The following MARCHF1 variants were observed in gnomAD, a reference collection of about 807,000 sequenced individuals.
MARCHF1 encodes the protein membrane associated ring-CH-type finger 1.
In MARCHF1, 40 loss-of-function variants were observed where a neutral mutation model predicts 54.2. The ratio of observed to expected loss-of-function variants is 0.74; its 90% confidence interval spans 0.57 to 0.96. The LOEUF (loss-of-function observed/expected upper bound fraction) is 0.96, where lower values mean the gene tolerates loss of function less well. MARCHF1 is among the 40% of genes least tolerant of loss of function. The pLI, the probability that MARCHF1 is intolerant of heterozygous loss-of-function variation, is 0.00. For synonymous variants in MARCHF1, 236 were observed against 236.3 expected, an observed-to-expected ratio of 1.00 and a Z score of 0.01; for missense variants, 586 against 656.5, an observed-to-expected ratio of 0.89 and a Z score of 1.17.
chr4:164,257,826 G>C (rs192635833), intron 1 of MARCHF1, among the ~76,000 whole-genome samples: 6 of 152,172 alleles, frequency 3.9e-5, no homozygotes, highest in African/African-American at 1.4e-4. Flanking sequence ...AATATTAGTG[G>C]GGCATGGTGG....
At chr4:163,959,427 A>G (rs887221261) in intron 3 of MARCHF1, among the ~76,000 whole-genome samples, 1 of 152,050 alleles carries the variant, frequency 6.6e-6, no homozygotes, top group African/African-American at 2.4e-5. Context: ...CTACAGGGCT[A>G]CAGTAACCAA....
intron 1 of MARCHF1, among the ~76,000 whole-genome samples, chr4:164,247,523 G>T (rs1732987082): frequency 6.6e-6 from 1 of 150,796 alleles, no homozygotes; most frequent in East Asian, 2.0e-4. Context: ...CGAGTTAGTG[G>T]GTGCAGTGCA....
At chr4:163,713,164 T>G (rs529938658) in intron 4 of MARCHF1, among the ~76,000 whole-genome samples, 1 of 152,228 alleles carries the variant, frequency 6.6e-6, no homozygotes, top group East Asian at 1.9e-4. Flanking sequence ...TTGTCCATTA[T>G]TATTGGATTA....
chr4:163,935,697 GCTTT>G (rs1237228390), intron 3 of MARCHF1, among the ~76,000 whole-genome samples: 73 of 98,720 alleles, frequency 7.4e-4, no homozygotes, highest in African/African-American at 2.1e-3. Flanking sequence ...TGTTTTGCTT[GCTTT>G]CTTTTTTTTT....
chr4:164,277,374 C>T (rs985791777), intron 1 of MARCHF1, among the ~76,000 whole-genome samples: 1 of 152,238 alleles, frequency 6.6e-6, no homozygotes, highest in Non-Finnish European at 1.5e-5. Context: ...CTTCACATTG[C>T]ACTTAAAGAG....
At chr4:163,907,810 A>C (rs926647970) in intron 3 of MARCHF1, among the ~76,000 whole-genome samples, 2 of 152,116 alleles carry the variant, frequency 1.3e-5, no homozygotes, top group African/African-American at 4.8e-5. Flanking sequence ...TATCTTCACC[A>C]AGGTTTATTA....
chr4:164,100,559 C>T (rs1291051349), intron 2 of MARCHF1, among the ~76,000 whole-genome samples: 1 of 152,186 alleles, frequency 6.6e-6, no homozygotes, highest in African/African-American at 2.4e-5. Flanking sequence ...TCAACTTTCA[C>T]AATGAAATGT....
chr4:163,784,319 G>C (rs1747553336), intron 4 of MARCHF1, among the ~76,000 whole-genome samples: 1 of 152,006 alleles, frequency 6.6e-6, no homozygotes, highest in South Asian at 2.1e-4. Flanking sequence ...GTTTCATGGG[G>C]GGTTCCATGG....
chr4:164,002,253 G>A (rs78797910), intron 2 of MARCHF1, among the ~76,000 whole-genome samples: 5,395 of 151,526 alleles, frequency 0.036, 122 homozygotes, highest in Non-Finnish European at 0.049. Context: ...CACGATTAAG[G>A]TCAGTGATGT....
chr4:164,346,776 G>A (rs1000666956), intron 1 of MARCHF1, among the ~76,000 whole-genome samples: 6 of 151,380 alleles, frequency 4.0e-5, no homozygotes, highest in Non-Finnish European at 8.8e-5. Context: ...CCTAGCATGA[G>A]TATCAGGTAG....
At chr4:164,055,756 C>T (rs1422889659) in intron 2 of MARCHF1, among the ~76,000 whole-genome samples, 1 of 152,166 alleles carries the variant, frequency 6.6e-6, no homozygotes, top group Non-Finnish European at 1.5e-5. Context: ...CAGTAAAATG[C>T]CTACATATAT....
intron 1 of MARCHF1, among the ~76,000 whole-genome samples, chr4:164,365,172 G>A (rs1377420431): frequency 6.6e-6 from 1 of 151,778 alleles, no homozygotes; most frequent in Non-Finnish European, 1.5e-5. Context: ...TAAAATAAAT[G>A]CACCTTTAAA....
At chr4:163,811,311 C>A (rs1208720357) in intron 4 of MARCHF1, among the ~76,000 whole-genome samples, 1 of 152,008 alleles carries the variant, frequency 6.6e-6, no homozygotes, top group Non-Finnish European at 1.5e-5. Context: ...ACCTTAACTG[C>A]CAAAATATTT....
chr4:163,818,669 C>T (rs1748609015), intron 4 of MARCHF1, among the ~76,000 whole-genome samples: 1 of 152,068 alleles, frequency 6.6e-6, no homozygotes, highest in Non-Finnish European at 1.5e-5. Context: ...ACTCCAAAAC[C>T]TGCAAAGCCC....
chr4:163,642,048 GT>G (rs1560993018), intron 5 of MARCHF1, among the ~76,000 whole-genome samples: 1 of 152,100 alleles, frequency 6.6e-6, no homozygotes, highest in Non-Finnish European at 1.5e-5. Flanking sequence ...TTCAGTGATC[GT>G]ATTGTTTAGG....
chr4:164,288,057 T>C (rs1734194486), intron 1 of MARCHF1, among the ~76,000 whole-genome samples: 1 of 152,102 alleles, frequency 6.6e-6, no homozygotes, highest in Admixed American at 6.6e-5. Flanking sequence ...GGAAATGTTT[T>C]GTGGGTGTGG....
chr4:164,175,070 T>C (rs1476932697), intron 1 of MARCHF1, among the ~76,000 whole-genome samples: 1 of 152,192 alleles, frequency 6.6e-6, no homozygotes, highest in Non-Finnish European at 1.5e-5. Flanking sequence ...TTCTACTTCT[T>C]ACTATCATTG....
intron 1 of MARCHF1, among the ~76,000 whole-genome samples, chr4:164,331,599 C>G (rs140200493): frequency 2.0e-5 from 3 of 152,080 alleles, no homozygotes; most frequent in African/African-American, 7.2e-5. Context: ...TGTCTTAACA[C>G]GTTGTTTTAT....
chr4:164,149,994 A>G (rs545316587), intron 1 of MARCHF1, among the ~76,000 whole-genome samples: 1 of 152,242 alleles, frequency 6.6e-6, no homozygotes, highest in African/African-American at 2.4e-5. Flanking sequence ...AGGATAAATT[A>G]TTTGTGCTCT....
Sources: gnomAD v4.1 joint callset for allele counts (sites outside exome capture counted in the v4.1 genomes callset) on GRCh38, gnomAD v4.1.1 for gene constraint, MANE v1.5 for transcripts, NCBI Gene and HGNC (gene_info 2026-07-23, HGNC 2026-07-21) for gene names.